SSUH2: variants seen among roughly 807,000 people sequenced by gnomAD.
SSUH2 encodes the protein protein SSUH2 homolog.
SSUH2 carries 47 observed loss-of-function variants against 55.3 expected under a neutral mutation model. The ratio of observed to expected loss-of-function variants is 0.85; its 90% CI spans 0.67 to 1.08. The LOEUF (loss-of-function observed/expected upper bound fraction) is 1.08. Among genes scored for constraint, SSUH2 ranks in the 50% least tolerant of loss-of-function variants. The pLI is 0.00. For synonymous variants in SSUH2, 212 were observed against 191.5 expected, an observed-to-expected ratio of 1.11 and a Z score of -0.89; for missense variants, 535 against 490.7, an observed-to-expected ratio of 1.09 and a Z score of -0.85.
upstream of SSUH2, among the ~76,000 whole-genome samples, chr3:8,645,132 G>A (rs1294072271): frequency 3.9e-5 from 6 of 152,126 alleles, no homozygotes; most frequent in South Asian, 8.3e-4. Flanking sequence ...GAGCTACATC[G>A]CCCAGCTGTA....
chr3:8,628,266 G>A (rs1052706897), intron 7 of SSUH2, among the ~76,000 whole-genome samples: 8 of 152,220 alleles, frequency 5.3e-5, no homozygotes, highest in African/African-American at 1.9e-4. Context: ...AAACCCAGCA[G>A]GCGAGGGATG....
chr3:8,661,290 T>G (rs1440116167), intron 6 of SSUH2, among the ~76,000 whole-genome samples: 1 of 152,222 alleles, frequency 6.6e-6, no homozygotes, highest in African/African-American at 2.4e-5. Flanking sequence ...ATCTCATTCA[T>G]CTTTCAAGCC....
chr3:8,668,007 A>AC (rs1203578874), intron 5 of SSUH2, among the ~76,000 whole-genome samples: 1 of 151,860 alleles, frequency 6.6e-6, no homozygotes, highest in Non-Finnish European at 1.5e-5. Flanking sequence ...ACATAACAAG[A>AC]CCCCACCTCC....
chr3:8,679,937 CT>C lies in SSUH2; in HGVS notation c.-1045-89del, dbSNP rs1459973631. Reference sequence around the variant, plus strand: ...CCAAACTTTGCAGTATTAGCCAAGCCTTTGTATGAGGTCACAAAGGGGGCGG... The same window carrying C: ...CCAAACTTTGCAGTATTAGCCAAGCCTTGTATGAGGTCACAAAGGGGGCGG... On this transcript the variant is annotated intron_variant, in intron 1 of 18. Transcript: ENST00000317371. 13 of 152,186 alleles carry C rather than the reference CT, an allele frequency of 8.5e-5. 1 individual carries two copies. Among genetic ancestry groups the C allele is most frequent in the Admixed American group, 7.9e-4 (12 of 15,274 alleles). The allele number at this position is 152,186 out of a possible 1,614,324, so 9.4% of individuals were successfully genotyped here.
chr3:8,635,964 G>A (rs991939094), intron 1 of SSUH2, 107 bp from the exon 2 acceptor site: 32 of 922,314 alleles, frequency 3.5e-5, no homozygotes, highest in Non-Finnish European at 4.7e-5. Context: ...AAAGCCTCAC[G>A]TTTAAGCCAG....
At chr3:8,634,728 T>G (rs1396305748) in intron 3 of SSUH2, 1 of 457,006 alleles carries the variant, frequency 2.2e-6, no homozygotes, top group South Asian at 1.8e-5. Flanking sequence ...GGGAGAAGCC[T>G]CTCATGCTGC....
chr3:8,627,831 G>A (rs746833566), intron 7 of SSUH2, 48 bp from the exon 8 acceptor site: 9 of 1,547,006 alleles, frequency 5.8e-6, no homozygotes, highest in South Asian at 1.2e-5. Context: ...CCAGGAAGCA[G>A]GGCCAACGGC....
chr3:8,645,040 G>A (rs1701493179), upstream of SSUH2, among the ~76,000 whole-genome samples: 1 of 152,112 alleles, frequency 6.6e-6, no homozygotes, highest in African/African-American at 2.4e-5. Context: ...GAGGGGCACT[G>A]GTATCATGCC....
chr3:8,622,952 G>A (rs111980134), intron 11 of SSUH2, among the ~76,000 whole-genome samples: 5 of 152,256 alleles, frequency 3.3e-5, no homozygotes, highest in African/African-American at 7.2e-5. Flanking sequence ...TTCCTGTCCC[G>A]GCTGCTGTCC....
At chr3:8,680,924 G>T (rs1222171856) in intron 1 of SSUH2, among the ~76,000 whole-genome samples, 1 of 151,974 alleles carries the variant, frequency 6.6e-6, no homozygotes. Flanking sequence ...TGACAGGCTG[G>T]GTGAACACTG....
chr3:8,677,056 T>A (rs1390238721), intron 3 of SSUH2: 1 of 146,538 alleles, frequency 6.8e-6, no homozygotes. Flanking sequence ...AGGCGGGGAC[T>A]GCGAGCCAGC....
chr3:8,644,229 A>C (rs1701353539), intron 1 of SSUH2, among the ~76,000 whole-genome samples: 2 of 152,224 alleles, frequency 1.3e-5, no homozygotes, highest in Admixed American at 1.3e-4. Context: ...TCACGAGTGA[A>C]GCCTTTTCCC....
At chr3:8,634,765 G>A in intron 3 of SSUH2, 1 of 375,678 alleles carries the variant, frequency 2.7e-6, no homozygotes, top group Non-Finnish European at 5.1e-6. Flanking sequence ...ATTGAAATAG[G>A]GGGCAGCTCC....
intron 7 of SSUH2, among the ~76,000 whole-genome samples, chr3:8,628,762 G>T (rs1238406484): frequency 6.6e-6 from 1 of 152,224 alleles, no homozygotes; most frequent in African/African-American, 2.4e-5. Flanking sequence ...TTCCCTCTCA[G>T]TGCCTCCAGA....
intron 5 of SSUH2, among the ~76,000 whole-genome samples, chr3:8,664,167 C>A (rs559299728): frequency 1.8e-4 from 28 of 152,272 alleles, no homozygotes; most frequent in African/African-American, 6.5e-4. Context: ...AGACGGGGAG[C>A]CCAAGTGGAT....
chr3:8,639,169 G>C (rs762793325), intron 1 of SSUH2, among the ~76,000 whole-genome samples: 1 of 152,202 alleles, frequency 6.6e-6, no homozygotes, highest in East Asian at 1.9e-4. Flanking sequence ...ACGGGGCATT[G>C]TGTGACACCC....
At chr3:8,654,066 T>A (rs1419065976) in intron 7 of SSUH2, among the ~76,000 whole-genome samples, 1 of 152,178 alleles carries the variant, frequency 6.6e-6, no homozygotes, top group Non-Finnish European at 1.5e-5. Context: ...TTTCTCACCA[T>A]TTGGATGGCT....
intron 5 of SSUH2, among the ~76,000 whole-genome samples, chr3:8,665,046 C>T (rs979105268): frequency 1.3e-5 from 2 of 152,332 alleles, no homozygotes; most frequent in Non-Finnish European, 2.9e-5. Flanking sequence ...ACACCCACTT[C>T]TTTTCCACCG....
chr3:8,623,690 G>T, intron 10 of SSUH2, 34 bp from the exon 11 acceptor site: 1 of 1,183,670 alleles, frequency 8.4e-7, no homozygotes, highest in Non-Finnish European at 1.2e-6. Context: ...AGACCACCTG[G>T]CTGCCGCACC....
Sources: allele counts gnomAD v4.1 joint callset (sites outside exome capture counted in the v4.1 genomes callset), GRCh38; gene constraint gnomAD v4.1.1; transcripts MANE v1.5; gene names NCBI Gene and HGNC (gene_info 2026-07-23, HGNC 2026-07-21).